The following WNK2 variants were observed in gnomAD, a reference collection of about 807,000 sequenced individuals.
WNK2 encodes serine/threonine-protein kinase WNK2.
A neutral mutation model predicts 192.1 loss-of-function variants in WNK2; 67 were observed. The ratio of observed to expected loss-of-function variants is 0.35; its 90% CI spans 0.29 to 0.43. The LOEUF (loss-of-function observed/expected upper bound fraction) is 0.43, where lower values mean the gene tolerates loss of function less well. Ranked by LOEUF, WNK2 falls within the 20% of genes least tolerant of loss-of-function variation. WNK2 has a pLI of 1.00. For missense variants in WNK2, 2,698 were observed against 3,089.7 expected (o/e 0.87, Z 3.01); for synonymous variants, 1,439 against 1,393.9 (o/e 1.03, Z -0.72).
intron 2 of WNK2, among the ~76,000 whole-genome samples, chr9:93,211,106 C>CCACTCACT (rs753539695): frequency 3.4e-3 from 59 of 17,344 alleles, no homozygotes; most frequent in Admixed American, 6.6e-3. Context: ...ACTCACTCAT[C>CCACTCACT]CACTCACTCA....
At chr9:93,261,632 G>A (rs1844269191) in intron 12 of WNK2, among the ~76,000 whole-genome samples, 182 bp from the exon 13 acceptor site, 1 of 152,238 alleles carries the variant, frequency 6.6e-6, no homozygotes, top group African/African-American at 2.4e-5. Context: ...GACCATTCCT[G>A]TTTGTTTCTG....
chr9:93,201,865 G>A (rs1448779024), intron 2 of WNK2, among the ~76,000 whole-genome samples: 4 of 152,196 alleles, frequency 2.6e-5, no homozygotes, highest in Non-Finnish European at 4.4e-5. Flanking sequence ...CAGCCCTGCC[G>A]GCCGCTTCCT....
intron 19 of WNK2, among the ~76,000 whole-genome samples, chr9:93,277,144 A>G (rs1847050989): frequency 6.6e-6 from 1 of 152,168 alleles, no homozygotes; most frequent in African/African-American, 2.4e-5. Flanking sequence ...ATTATTGACT[A>G]CTGGGGAAAT....
chr9:93,243,605 G>A (rs546289632), intron 7 of WNK2, among the ~76,000 whole-genome samples: 24 of 152,352 alleles, frequency 1.6e-4, no homozygotes, highest in African/African-American at 5.8e-4. Flanking sequence ...CTAAGAACAG[G>A]GAAGGCAGGA....
intron 5 of WNK2, 138 bp downstream of exon 5, chr9:93,235,103 C>CT (rs1302924648): frequency 9.2e-7 from 1 of 1,082,214 alleles, no homozygotes; most frequent in Non-Finnish European, 1.3e-6. Flanking sequence ...GAGGGGGAAA[C>CT]TGAGGAGATT....
chr9:93,318,338 A>G (rs755682487), intron 29 of WNK2: 5 of 1,586,014 alleles, frequency 3.2e-6, no homozygotes, highest in Non-Finnish European at 4.3e-6. Flanking sequence ...TAAGTATTGA[A>G]GAGCTTCCAT....
chr9:93,189,351 G>A (rs546134012), intron 2 of WNK2, among the ~76,000 whole-genome samples: 88 of 152,310 alleles, frequency 5.8e-4, no homozygotes, highest in Middle Eastern at 3.4e-3. Flanking sequence ...TCATAGAGAC[G>A]TACATTCCTT....
intron 2 of WNK2, among the ~76,000 whole-genome samples, chr9:93,215,896 C>A (rs10739945): frequency 0.81 from 122,743 of 152,104 alleles, 49,848 homozygotes; most frequent in Admixed American, 0.85. Flanking sequence ...TTTTTTATTG[C>A]TGTGTTTAGA....
intron 19 of WNK2, among the ~76,000 whole-genome samples, chr9:93,276,893 G>C (rs946396222): frequency 6.6e-6 from 1 of 152,088 alleles, no homozygotes; most frequent in Non-Finnish European, 1.5e-5. Flanking sequence ...AAAATTAGCC[G>C]GCCGTGGTGG....
In WNK2 at chr9:93,234,852, G is replaced by A; in HGVS notation, c.1120G>A (p.Asp374Asn). The stretch of plus-strand genomic sequence containing the variant: ...GCCCGAGATGTACGAGGAGCACTAC[G>A]ATGAGTCCGTGGACGTCTATGCCTT... ...MAPEMYEEHY[D>N]ESVDVYAFGM... The change falls in exon 5 of 30, where the codon GAT (aspartate) becomes AAT (asparagine). Residue 374 changes from aspartate to asparagine, a missense_variant. Physicochemically the swap from Asp to Asn is conservative, Grantham distance 23 (BLOSUM62 1). Around this residue, in one of 7 missense-constraint regions of WNK2, gnomAD observed 230 missense variants for 501.1 expected, o/e 0.46. Transcript: ENST00000427277. 5 of 1,614,180 alleles carry A rather than the reference G, an allele frequency of 3.1e-6. No homozygotes were observed. The highest frequency in any genetic ancestry group is 1.1e-5 in the South Asian group (1 of 91,072).
Position 93,229,145 on chromosome 9 carries a change from GCT to G in WNK2, c.682-550_682-549del, listed in dbSNP as rs1838314569. ...GGCCCAAGGGTCTGGGGAGGTGTCTGCTGTGTCCTCCTGCACAGGAGGGCCTG... is the reference window on the plus strand; with the variant it reads ...GGCCCAAGGGTCTGGGGAGGTGTCTGGTGTCCTCCTGCACAGGAGGGCCTG... On this transcript the variant is annotated intron_variant, in intron 2 of 29. Transcript: ENST00000427277. This position sits in a 1 kb window ranked among gnomAD's most constrained non-coding sequence, Gnocchi z 4.9. Among the ~76,000 whole-genome samples, 2 of 152,164 alleles carry G rather than the reference GCT, an allele frequency of 1.3e-5. No homozygotes were observed. Among genetic ancestry groups the G allele is most frequent in the Admixed American group, 6.5e-5 (1 of 15,290 alleles).
chr9:93,309,052 GCT>G (rs1467418283), intron 28 of WNK2: 2 of 993,942 alleles, frequency 2.0e-6, no homozygotes, highest in East Asian at 2.2e-4. Flanking sequence ...GTGAGGACCT[GCT>G]GTCCTAGGTT....
Position 93,201,389 on chromosome 9 carries a change from G to A in WNK2, c.681+15779G>A, listed in dbSNP as rs187882272. On this transcript the variant is annotated intron_variant, in intron 2 of 29. Transcript: ENST00000427277. Reference sequence around the variant, plus strand: ...AGCCTTCACAGCTTGAGGCCCCTGCGTGCCTTCCTGGTTGGGGTGCTCACG... The same window carrying A: ...AGCCTTCACAGCTTGAGGCCCCTGCATGCCTTCCTGGTTGGGGTGCTCACG... Among the ~76,000 whole-genome samples, 6 of 152,240 alleles carry A rather than the reference G, an allele frequency of 3.9e-5. No individual in the cohort carries two copies. The East Asian group carries it at 5.8e-4, about 15-fold the overall frequency.
chr9:93,199,384 C>T (rs1344817203), intron 2 of WNK2, among the ~76,000 whole-genome samples: 2 of 152,228 alleles, frequency 1.3e-5, no homozygotes, highest in Admixed American at 6.5e-5. Context: ...GGCTACCTTC[C>T]TCCACCTGCT....
At chr9:93,202,394 G>A (rs992486623) in intron 2 of WNK2, among the ~76,000 whole-genome samples, 2 of 151,186 alleles carry the variant, frequency 1.3e-5, no homozygotes, top group Non-Finnish European at 2.9e-5. Context: ...TCGTTTGCCA[G>A]GGAATGGCCT....
chr9:93,206,889 A>G (rs893916810), intron 2 of WNK2, among the ~76,000 whole-genome samples: 10 of 152,114 alleles, frequency 6.6e-5, no homozygotes, highest in African/African-American at 2.4e-4. Context: ...TGAGGGCTGG[A>G]CATGGAGAGG....
intron 8 of WNK2, among the ~76,000 whole-genome samples, chr9:93,251,711 A>T (rs1168123207): frequency 2.0e-5 from 3 of 152,206 alleles, no homozygotes; most frequent in Admixed American, 6.5e-5. Flanking sequence ...TTGTCTCAAA[A>T]AAATAAATAA....
In WNK2 at chr9:93,308,329, G is replaced by T; in HGVS notation, c.6261G>T (p.Arg2087Ser). The T allele has an allele frequency of 1.3e-6, 2 of 1,553,118 alleles. No individual in the cohort carries two copies. The highest frequency in any genetic ancestry group is 1.7e-6 in the Non-Finnish European group (2 of 1,148,454). Residue 2087 changes from arginine to serine, a missense_variant and splice_region_variant, in exon 28 of 30, where the codon AGG (arginine) becomes AGT (serine). This residue lies in a region of WNK2 where 167 missense variants were observed against 184.2 expected (regional missense o/e 0.91). Transcript: ENST00000427277. ...RLCLGKEHSS[R>S]SSTSSLAPGP... ...CCTGGCCTGTGTGTGACTCCCCAGG[G>T]TCCTCCACCAGCAGCCTGGCCCCAG...
chr9:93,320,197 GGCC>G (rs777821905), intron 29 of WNK2, among the ~76,000 whole-genome samples, 167 bp from the exon 30 acceptor site: 19 of 152,230 alleles, frequency 1.2e-4, no homozygotes, highest in Non-Finnish European at 2.5e-4. Context: ...AGGTGACAGA[GGCC>G]GCCAGGGCTG....
Sources: gnomAD v4.1 joint callset for allele counts (sites outside exome capture counted in the v4.1 genomes callset) on GRCh38, gnomAD v4.1.1 for gene constraint, gnomAD v4.1.1 regional missense constraint, Gnocchi (gnomAD v3.1) non-coding constraint, MANE v1.5 for transcripts, NCBI Gene and HGNC (gene_info 2026-07-23, HGNC 2026-07-21) for gene names.